The following SGK3 variants were observed in gnomAD, a reference collection of about 807,000 sequenced individuals.
The protein encoded by SGK3 is serum/glucocorticoid regulated kinase family member 3.
Under a neutral mutation model 68.5 loss-of-function variants are expected in SGK3, and 47 were observed. That is an observed-to-expected ratio of 0.69 (90% confidence interval 0.54 to 0.87). The LOEUF is 0.87. Ranked by LOEUF, SGK3 falls within the 40% of genes least tolerant of loss-of-function variation. The pLI is 0.00. For synonymous variants in SGK3, 181 were observed against 189.1 expected (o/e 0.96, Z 0.35); for missense variants, 479 against 575.5 (o/e 0.83, Z 1.72).
Position 66,826,636 on chromosome 8 carries a change from C to CTTTATTTTATTTTATTTTATTTTAT in SGK3, c.418-2014_418-1990dup, listed in dbSNP as rs567720764. Among the ~76,000 whole-genome samples the CTTTATTTTATTTTATTTTATTTTAT allele has an allele frequency of 5.7e-3, 866 of 151,864 alleles. 10 individuals carry two copies. The highest frequency in any genetic ancestry group is 0.019 in the African/African-American group (783 of 41,278). On this transcript the variant is annotated intron_variant, in intron 6 of 16. Transcript: ENST00000521198. ...AATGTTGTTTTTTCATGAGAAACTT[C>CTTTATTTTATTTTATTTTATTTTAT]TTTATTTTATTTTATTTTATTTTAT...
chr8:66,801,620 TC>T (rs1490070604), intron 3 of SGK3, among the ~76,000 whole-genome samples: 1 of 152,084 alleles, frequency 6.6e-6, no homozygotes, highest in Non-Finnish European at 1.5e-5. Flanking sequence ...GTAGTGTCTG[TC>T]TGTCTCTGTC....
At chr8:66,850,128 A>T (rs1228024919) in intron 15 of SGK3, among the ~76,000 whole-genome samples, 1 of 152,064 alleles carries the variant, frequency 6.6e-6, no homozygotes, top group African/African-American at 2.4e-5. Flanking sequence ...TCTTGACCAT[A>T]CTAACCTCTT....
At chr8:66,800,379 C>CTTTTTTTT (rs35415180) in intron 3 of SGK3, among the ~76,000 whole-genome samples, 36 of 102,316 alleles carry the variant, frequency 3.5e-4, no homozygotes, top group African/African-American at 6.5e-4. Context: ...TTTTTCATTT[C>CTTTTTTTT]TTTTTTTTTT....
At chr8:66,841,209 AAAAACTGTCATTTCAGCTTCC>A in intron 13 of SGK3, 99 bp downstream of exon 13, 1 of 981,978 alleles carries the variant, frequency 1.0e-6, no homozygotes, top group Non-Finnish European at 1.4e-6. Flanking sequence ...AAAGTAGAAT[AAAAACTGTCATTTCAGCTTCC>A]AGCCAGCTGG....
chr8:66,816,862 G>A (rs959545701), intron 5 of SGK3, among the ~76,000 whole-genome samples: 2 of 151,854 alleles, frequency 1.3e-5, no homozygotes, highest in South Asian at 2.1e-4. Flanking sequence ...ACAGACTCTC[G>A]CTCTATCGCC....
At chr8:66,812,264 T>A (rs528233967) in intron 4 of SGK3, among the ~76,000 whole-genome samples, 2 of 152,176 alleles carry the variant, frequency 1.3e-5, no homozygotes, top group East Asian at 3.9e-4. Flanking sequence ...TTAGAGTATA[T>A]TTCTTAAGAA....
At chr8:66,852,277 CTTTTTTT>C (rs1204346785) in intron 16 of SGK3, among the ~76,000 whole-genome samples, 1 of 107,200 alleles carries the variant, frequency 9.3e-6, no homozygotes, top group African/African-American at 3.8e-5. Flanking sequence ...TTAAGGAATC[CTTTTTTT>C]TTTTTTTTTT....
intron 1 of SGK3, among the ~76,000 whole-genome samples, chr8:66,756,395 AG>A (rs1269121193): frequency 6.6e-6 from 1 of 152,138 alleles, no homozygotes; most frequent in Admixed American, 6.6e-5. Flanking sequence ...ATGAAGACTC[AG>A]AGGAGGGTTA....
intron 4 of SGK3, among the ~76,000 whole-genome samples, chr8:66,805,391 C>T (rs534457825): frequency 1.8e-4 from 28 of 151,788 alleles, no homozygotes; most frequent in Non-Finnish European, 3.4e-4. Flanking sequence ...TGATGGTGGG[C>T]GCCTGTAGTC....
chr8:66,794,827 A>G (rs142309633), intron 2 of SGK3, among the ~76,000 whole-genome samples: 6 of 152,316 alleles, frequency 3.9e-5, no homozygotes, highest in Non-Finnish European at 8.8e-5. Flanking sequence ...TTTGAGCTAT[A>G]AAGTGGCTGG....
At chr8:66,831,365 G>C in intron 8 of SGK3, 54 bp downstream of exon 8, 1 of 1,591,386 alleles carries the variant, frequency 6.3e-7, no homozygotes, top group Non-Finnish European at 8.6e-7. Flanking sequence ...TTTTTTTTTG[G>C]AGACAGGGTC....
At chr8:66,767,599 A>G (rs781089276) in intron 1 of SGK3, 18 of 1,372,704 alleles carry the variant, frequency 1.3e-5, no homozygotes, top group Middle Eastern at 1.8e-4. Context: ...GAGATGTGCA[A>G]TCTGGTGCTC....
intron 12 of SGK3, 63 bp downstream of exon 12, chr8:66,840,310 G>T: frequency 2.1e-6 from 3 of 1,437,478 alleles, no homozygotes; most frequent in Non-Finnish European, 2.8e-6. Context: ...TATGCTTAGT[G>T]CAAAAAAAGT....
chr8:66,776,326 T>G (rs1472773427), intron 1 of SGK3, among the ~76,000 whole-genome samples: 1 of 152,238 alleles, frequency 6.6e-6, no homozygotes, highest in East Asian at 1.9e-4. Context: ...TAGCCTCATT[T>G]TAAGCACCAA....
chr8:66,845,754 C>G (rs1030513676), intron 14 of SGK3, among the ~76,000 whole-genome samples: 1 of 150,836 alleles, frequency 6.6e-6, no homozygotes, highest in East Asian at 1.9e-4. Context: ...GACAGGGTGT[C>G]GCCATGTTGC....
At chr8:66,787,568 G>T (rs1019501417) in intron 1 of SGK3, among the ~76,000 whole-genome samples, 3 of 152,094 alleles carry the variant, frequency 2.0e-5, no homozygotes, top group Non-Finnish European at 4.4e-5. Flanking sequence ...TGAGGGGAAG[G>T]CCAAATTGTT....
intron 1 of SGK3, among the ~76,000 whole-genome samples, chr8:66,730,844 A>ATT (rs113173320): frequency 4.2e-5 from 6 of 144,112 alleles, no homozygotes; most frequent in Admixed American, 6.9e-5. Context: ...AGCCTGGCTA[A>ATT]TTTTTTTTTT....
chr8:66,857,799 A>ATTTGTGTG (rs1180961155), intron 16 of SGK3, among the ~76,000 whole-genome samples: 1 of 133,716 alleles, frequency 7.5e-6, no homozygotes, highest in Non-Finnish European at 1.6e-5. Flanking sequence ...GTGTGTGTGT[A>ATTTGTGTG]TGTGTGTGTG....
At chr8:66,743,219 A>G (rs1474801951) in intron 1 of SGK3, among the ~76,000 whole-genome samples, 1 of 152,250 alleles carries the variant, frequency 6.6e-6, no homozygotes, top group East Asian at 1.9e-4. Context: ...GGAATAAAAG[A>G]AACTTGAAAA....
Sources: gnomAD v4.1 joint callset for allele counts (sites outside exome capture counted in the v4.1 genomes callset) on GRCh38, gnomAD v4.1.1 for gene constraint, MANE v1.5 for transcripts, NCBI Gene and HGNC (gene_info 2026-07-23, HGNC 2026-07-21) for gene names.